Variants in DPYD observed in about 807,000 individuals in gnomAD.
DPYD encodes dihydropyrimidine dehydrogenase.
A neutral mutation model predicts 116.2 loss-of-function variants in DPYD; 109 were observed. The observed-to-expected ratio is 0.94, with a 90% CI of 0.80 to 1.10. The LOEUF (loss-of-function observed/expected upper bound fraction) is 1.10, where lower values mean the gene tolerates loss of function less well. Ranked by LOEUF, DPYD falls within the 50% of genes least tolerant of loss-of-function variation. The pLI is 0.00. For missense variants in DPYD, 1,302 were observed against 1,254.5 expected (o/e 1.04, Z -0.57); for synonymous variants, 440 against 432.0 (o/e 1.02, Z -0.23).
chr1:97,124,093 G>A (rs1652654512), intron 20 of DPYD, among the ~76,000 whole-genome samples: 1 of 152,112 alleles, frequency 6.6e-6, no homozygotes, highest in African/African-American at 2.4e-5. Flanking sequence ...ATTTTTGCGT[G>A]AAAGTCACTG....
intron 12 of DPYD, among the ~76,000 whole-genome samples, chr1:97,529,555 G>A (rs1649410805): frequency 6.6e-6 from 1 of 151,978 alleles, no homozygotes; most frequent in Non-Finnish European, 1.5e-5. Flanking sequence ...TTGGATATAT[G>A]CATACACTCA....
At chr1:97,715,008 T>C (rs1662531258) in intron 5 of DPYD, among the ~76,000 whole-genome samples, 2 of 152,266 alleles carry the variant, frequency 1.3e-5, no homozygotes, top group East Asian at 1.9e-4. Flanking sequence ...ATATGTAAAA[T>C]GGAAATAATA....
chr1:97,131,206 A>T (rs1653314187), intron 20 of DPYD, among the ~76,000 whole-genome samples: 1 of 152,046 alleles, frequency 6.6e-6, no homozygotes, highest in Non-Finnish European at 1.5e-5. Flanking sequence ...AATAACCTAA[A>T]TTGGCTTTTG....
chr1:97,291,605 C>G (rs1353195534), intron 18 of DPYD, among the ~76,000 whole-genome samples: 1 of 151,714 alleles, frequency 6.6e-6, no homozygotes, highest in East Asian at 1.9e-4. Flanking sequence ...CCAAACACCG[C>G]ATTTTCTCAC....
chr1:97,472,883 G>A (rs1344407355), intron 13 of DPYD, among the ~76,000 whole-genome samples: 1 of 152,176 alleles, frequency 6.6e-6, no homozygotes, highest in African/African-American at 2.4e-5. Flanking sequence ...TATGCAATGT[G>A]ATGACTTCAT....
chr1:97,568,775 C>T (rs1354879966), intron 11 of DPYD, among the ~76,000 whole-genome samples: 1 of 152,040 alleles, frequency 6.6e-6, no homozygotes, highest in Non-Finnish European at 1.5e-5. Context: ...AATACCCTAA[C>T]ATGAAGCAAG....
At chr1:97,846,245 G>A (rs1023311131) in intron 2 of DPYD, among the ~76,000 whole-genome samples, 1 of 152,064 alleles carries the variant, frequency 6.6e-6, no homozygotes, top group Non-Finnish European at 1.5e-5. Flanking sequence ...TGGAAGCTCC[G>A]TGTCTTTTTT....
chr1:97,847,852 CA>C (rs1231935623), intron 2 of DPYD, among the ~76,000 whole-genome samples: 1 of 151,956 alleles, frequency 6.6e-6, no homozygotes, highest in Non-Finnish European at 1.5e-5. Flanking sequence ...TTCTCAGAAT[CA>C]AAAATAACCA....
At chr1:97,584,551 A>G (rs143953339) in intron 10 of DPYD, among the ~76,000 whole-genome samples, 1,987 of 152,114 alleles carry the variant, frequency 0.013, 23 homozygotes, top group Middle Eastern at 0.024. Context: ...TAGGTCTAAC[A>G]TGTAAGTCTT....
chr1:97,889,430 TATC>T (rs1278472925), intron 1 of DPYD, among the ~76,000 whole-genome samples: 2 of 152,032 alleles, frequency 1.3e-5, no homozygotes, highest in African/African-American at 4.8e-5. Flanking sequence ...GAAAATGACA[TATC>T]ATGCAAATAG....
chr1:97,309,347 G>A (rs1026643422), intron 16 of DPYD, among the ~76,000 whole-genome samples: 3 of 151,240 alleles, frequency 2.0e-5, no homozygotes, highest in African/African-American at 7.3e-5. Flanking sequence ...GTGTGTGTGT[G>A]TGTGTGTGTG....
chr1:97,290,752 T>A (rs374765363), intron 18 of DPYD, among the ~76,000 whole-genome samples: 90 of 151,902 alleles, frequency 5.9e-4, no homozygotes, highest in Middle Eastern at 3.4e-3. Flanking sequence ...AACCTAGGCA[T>A]TACCATTCAG....
chr1:97,753,285 C>A (rs1231593935), intron 3 of DPYD, among the ~76,000 whole-genome samples: 1 of 152,084 alleles, frequency 6.6e-6, no homozygotes, highest in East Asian at 1.9e-4. Flanking sequence ...TATGTTACTG[C>A]CTATTTGTAT....
intron 14 of DPYD, among the ~76,000 whole-genome samples, chr1:97,389,362 A>G (rs1349688365): frequency 6.6e-6 from 1 of 151,912 alleles, no homozygotes; most frequent in Non-Finnish European, 1.5e-5. Context: ...ATTTACTAGA[A>G]CATGGTATGA....
chr1:97,917,431 GCTT>G (rs1231714931), intron 1 of DPYD, among the ~76,000 whole-genome samples: 2 of 152,046 alleles, frequency 1.3e-5, no homozygotes, highest in African/African-American at 4.8e-5. Context: ...TTCCCATTAT[GCTT>G]CTATTTTCCA....
intron 1 of DPYD, among the ~76,000 whole-genome samples, chr1:97,890,739 C>T (rs903550736): frequency 6.6e-6 from 1 of 151,842 alleles, no homozygotes; most frequent in African/African-American, 2.4e-5. Context: ...TTAAAGCAAA[C>T]CAGCCAGGTA....
chr1:97,722,326 TGTG>T (rs1329252155), intron 4 of DPYD, among the ~76,000 whole-genome samples: 5 of 151,388 alleles, frequency 3.3e-5, no homozygotes, highest in Non-Finnish European at 7.4e-5. Context: ...ATAAATGTAT[TGTG>T]GTGATTTTTA....
intron 18 of DPYD, among the ~76,000 whole-genome samples, chr1:97,236,434 G>T (rs1661931503): frequency 6.6e-6 from 1 of 151,772 alleles, no homozygotes; most frequent in African/African-American, 2.4e-5. Flanking sequence ...AATAAGAAAA[G>T]AAACAAAAAG....
intron 1 of DPYD, among the ~76,000 whole-genome samples, chr1:97,885,890 G>A (rs530614606): frequency 6.6e-6 from 1 of 152,134 alleles, no homozygotes; most frequent in South Asian, 2.1e-4. Flanking sequence ...ATTTGCACCT[G>A]AGTAGCTCAA....
Sources: allele counts gnomAD v4.1 joint callset (sites outside exome capture counted in the v4.1 genomes callset), GRCh38; gene constraint gnomAD v4.1.1; transcripts MANE v1.5; gene names NCBI Gene and HGNC (gene_info 2026-07-23, HGNC 2026-07-21).